ANK1: variants seen among roughly 807,000 people sequenced by gnomAD.
ANK1 encodes ankyrin 1.
A neutral mutation model predicts 210.4 loss-of-function variants in ANK1; 51 were observed. That is an observed-to-expected ratio of 0.24 (90% CI 0.19 to 0.31). The LOEUF is 0.31. ANK1 is among the 10% of genes least tolerant of loss of function. The probability of loss-of-function intolerance (pLI) is 1.00; values close to 1 mark genes in which losing one functional copy is unlikely to be tolerated. For synonymous variants in ANK1, 967 were observed against 1,025.9 expected (o/e 0.94, Z 1.10); for missense variants, 2,051 against 2,504.4 (o/e 0.82, Z 3.86).
rs1016053070 is a variant in ANK1 at position 41,654,992 on chromosome 8, T to G, written c.*798A>C. The G allele has an allele frequency of 2.0e-5, 3 of 152,614 alleles. No individual in the cohort carries two copies. The highest frequency in any genetic ancestry group is 4.4e-5 in the Non-Finnish European group (3 of 68,074). 9.5% of individuals were successfully genotyped at this position (152,614 alleles called of 1,614,324 possible). On this transcript the variant is annotated 3_prime_UTR_variant, in exon 43 of 43. Transcript: ENST00000289734. ...CCGAATGCACTCTTCAAGGTAATGA[T>G]TTTCCATTGGAAGATGATTCGTATT...
At chr8:41,754,725 G>A (rs1838661463) in intron 2 of ANK1, among the ~76,000 whole-genome samples, 1 of 152,166 alleles carries the variant, frequency 6.6e-6, no homozygotes, top group African/African-American at 2.4e-5. Flanking sequence ...GGATCGTCCC[G>A]CTGGGTGCAT....
chr8:41,693,897 C>G lies in ANK1; in HGVS notation c.3532+1G>C. ...AGAAGCGAGGCAGGGGCCCCTCTCA[C>G]CAATGACGCTGCAAAGCAGGCGCAG... On this transcript the variant is annotated splice_donor_variant, in intron 29 of 42. Coordinates refer to ENST00000289734, the MANE Select transcript of ANK1 (RefSeq NM_000037.4). LOFTEE classifies it high-confidence loss of function. The G allele has an allele frequency of 6.2e-7, 1 of 1,604,494 alleles. No homozygotes were observed. The highest frequency in any genetic ancestry group is 8.5e-7 in the Non-Finnish European group (1 of 1,175,998).
chr8:41,699,950 G>A (rs1822240537), intron 22 of ANK1, among the ~76,000 whole-genome samples: 1 of 152,230 alleles, frequency 6.6e-6, no homozygotes. Flanking sequence ...TCAAAGGGCT[G>A]GAGAATTTTT....
At chr8:41,802,291 A>C (rs1243700728), upstream of ANK1, among the ~76,000 whole-genome samples, 2 of 152,208 alleles carry the variant, frequency 1.3e-5, no homozygotes, top group Non-Finnish European at 2.9e-5. Context: ...CGCCCGACCT[A>C]TAGTTTTACT....
Position 41,663,694 on chromosome 8 carries a change from A to G in ANK1, c.5443T>C (p.Phe1815Leu). The G allele has an allele frequency of 6.2e-7, 1 of 1,614,110 alleles. No homozygotes were observed. Among genetic ancestry groups the G allele is most frequent in the Non-Finnish European group, 8.5e-7 (1 of 1,179,994 alleles). ...ACAATGTTGCCCTGCTCATCCGTGA[A>G]TTGCTCCTCTGTCACCTGCTCCCCT... ...IPGEQVTEEQ[F>L]TDEQGNIVTK... is the part of the protein sequence containing the mutation. The change falls in exon 40 of 43, where the codon TTC becomes CTC. Residue 1815 changes from phenylalanine (F) to leucine (L), a missense_variant. Coordinates refer to ENST00000289734, the MANE Select transcript of ANK1 (RefSeq NM_000037.4).
chr8:41,741,025 C>G (rs757359071), intron 2 of ANK1, among the ~76,000 whole-genome samples: 2 of 152,138 alleles, frequency 1.3e-5, no homozygotes, highest in African/African-American at 2.4e-5. Context: ...TTGTTCACCT[C>G]ATGCACCCAT....
chr8:41,658,476 TTAAATGAC>T (rs1415823352), intron 42 of ANK1, among the ~76,000 whole-genome samples: 10 of 152,196 alleles, frequency 6.6e-5, no homozygotes, highest in African/African-American at 1.9e-4. Flanking sequence ...CTTAGGGCGG[TTAAATGAC>T]TTAAGGCCAT....
At position 41,704,401 on chromosome 8, in the gene ANK1, G is replaced by C. The variant is rs779839475; in HGVS notation, c.2169C>G (p.His723Gln). The C allele has an allele frequency of 6.2e-7, 1 of 1,614,192 alleles. No homozygotes were observed. The highest frequency in any genetic ancestry group is 8.5e-7 in the Non-Finnish European group (1 of 1,180,032). ...TGGTCTTGGCATTGACATCTGCCTG[G>C]TGCTGCAGCAGAAACTTCACCAGCT... The part of the protein sequence containing the change: ...NIKLVKFLLQ[H>Q]QADVNAKTKL... The change falls in exon 19 of 43, where the codon CAC (histidine) becomes CAG (glutamine). Residue 723 changes from histidine to glutamine, a missense_variant. By Grantham distance (24) the His-to-Gln change is conservative. This residue lies in a region of ANK1 where 1,413 missense variants were observed against 1,707.4 expected (regional missense o/e 0.83). Transcript: ENST00000289734. This position sits in a 1 kb window ranked among gnomAD's most constrained non-coding sequence, Gnocchi z 4.1.
At position 41,694,173 on chromosome 8, in the gene ANK1, A is replaced by G. The variant is rs1337676486; in HGVS notation, c.3328-71T>C. 3.3e-6 allele frequency: 5 copies of G among 1,501,244 alleles called. No individual in the cohort carries two copies. The East Asian group carries it at 1.2e-4, about 36-fold the overall frequency. The allele number at this position is 1,501,244 out of a possible 1,614,324, so 93.0% of individuals were successfully genotyped here. A position where few individuals can be genotyped will look rare whatever the true frequency, so the allele number is the denominator to read the frequency against. The stretch of plus-strand genomic sequence containing the variant: ...GGCTAATCAGACGGGAGGCAGCTCC[A>G]TGCCTGGTGAGAGTGGCCGTCAGTG... On this transcript the variant is annotated intron_variant, in intron 28 of 42. Coordinates refer to ENST00000289734, the MANE Select transcript of ANK1 (RefSeq NM_000037.4). This position sits in a 1 kb window ranked among gnomAD's most constrained non-coding sequence, Gnocchi z 5.7.
At chr8:41,678,934 C>T (rs1175450397) in intron 37 of ANK1, among the ~76,000 whole-genome samples, 1 of 152,150 alleles carries the variant, frequency 6.6e-6, no homozygotes, top group Non-Finnish European at 1.5e-5. Context: ...TAGGCGCCTG[C>T]CACCTCACCC....
chr8:41,727,827 C>T, intron 4 of ANK1, 81 bp downstream of exon 4: 1 of 1,345,158 alleles, frequency 7.4e-7, no homozygotes, highest in South Asian at 1.2e-5. Flanking sequence ...ACACGGCTGC[C>T]AATGGACCCA....
intron 1 of ANK1, among the ~76,000 whole-genome samples, chr8:41,776,801 T>G (rs914843062): frequency 6.6e-6 from 1 of 152,248 alleles, no homozygotes; most frequent in African/African-American, 2.4e-5. Context: ...GAAGACAGGA[T>G]CCTTCCTCCA....
At chr8:41,788,176 G>A (rs542707298) in intron 1 of ANK1, among the ~76,000 whole-genome samples, 21 of 152,296 alleles carry the variant, frequency 1.4e-4, no homozygotes, top group Non-Finnish European at 2.5e-4. Flanking sequence ...GCACAGTCTC[G>A]ATGACAGATT....
chr8:41,838,929 T>G (rs1808342041), intron 1 of ANK1, among the ~76,000 whole-genome samples: 1 of 151,648 alleles, frequency 6.6e-6, no homozygotes, highest in Non-Finnish European at 1.5e-5. Context: ...GTACAAAAAT[T>G]AGTACGGCAT....
chr8:41,710,494 G>A (rs1408787142), intron 16 of ANK1, among the ~76,000 whole-genome samples: 1 of 152,206 alleles, frequency 6.6e-6, no homozygotes. Context: ...GTCTGATTCA[G>A]AGGCGCTAGG....
intron 16 of ANK1, among the ~76,000 whole-genome samples, chr8:41,712,922 C>T (rs1451786920): frequency 1.3e-5 from 2 of 152,142 alleles, no homozygotes; most frequent in Non-Finnish European, 2.9e-5. Flanking sequence ...GACATCGCAG[C>T]GGGGCCGTGT....
chr8:41,693,506 C>T (rs1352900976), intron 29 of ANK1, among the ~76,000 whole-genome samples: 2 of 131,998 alleles, frequency 1.5e-5, no homozygotes, highest in East Asian at 2.5e-4. Flanking sequence ...GGAATGATCT[C>T]GGCTCACTGC....
At chr8:41,706,694 T>C (rs1586290992) in intron 17 of ANK1, among the ~76,000 whole-genome samples, 1 of 152,240 alleles carries the variant, frequency 6.6e-6, no homozygotes, top group East Asian at 1.9e-4. Context: ...TTCAGAGCCC[T>C]GTAGCCTTGG....
In ANK1 at chr8:41,655,510, C is replaced by A; in HGVS notation, c.*280G>T. 1.8e-6 allele frequency: 1 copy of A among 562,442 alleles called. No homozygotes were observed. Among genetic ancestry groups the A allele is most frequent in the South Asian group, 2.5e-5 (1 of 39,466 alleles). The allele number at this position is 562,442 out of a possible 1,614,324, so 34.8% of individuals were successfully genotyped here. On this transcript the variant is annotated 3_prime_UTR_variant, in exon 43 of 43. Transcript: ENST00000289734. ...TATCCCTCTCTCTCCCCGCTTCTTGCTGCTTTTGTGTCCTGGTTCCGACAG... is the reference window on the plus strand; with the variant it reads ...TATCCCTCTCTCTCCCCGCTTCTTGATGCTTTTGTGTCCTGGTTCCGACAG...
Sources: allele counts gnomAD v4.1 joint callset (sites outside exome capture counted in the v4.1 genomes callset), GRCh38; gene constraint gnomAD v4.1.1; regional missense constraint gnomAD v4.1.1; non-coding constraint Gnocchi (gnomAD v3.1); transcripts MANE v1.5; gene names NCBI Gene and HGNC (gene_info 2026-07-23, HGNC 2026-07-21).